KDM6A: variants seen among roughly 807,000 people sequenced by gnomAD.
The protein encoded by KDM6A is lysine-specific demethylase 6A.
In KDM6A, 11 loss-of-function variants were observed where a neutral mutation model predicts 117.6. That is an observed-to-expected ratio of 0.09 (90% CI 0.06 to 0.15). The LOEUF is 0.15. Among genes scored for constraint, KDM6A ranks in the 10% least tolerant of loss-of-function variants. KDM6A has a pLI of 1.00. For synonymous variants in KDM6A, 384 were observed against 396.1 expected, an observed-to-expected ratio of 0.97 and a Z score of 0.36; for missense variants, 799 against 1,077.3, an observed-to-expected ratio of 0.74 and a Z score of 3.62.
intron 2 of KDM6A, among the ~76,000 whole-genome samples, chrX:44,955,482 C>T (rs1246262195): frequency 9.0e-6 from 1 of 110,768 alleles, no homozygotes; most frequent in East Asian, 2.8e-4. Context: ...CAGGTATTAT[C>T]TAGTTTAGTA....
rs1307995942 is a variant in KDM6A at position 45,027,880 on chromosome X, G to T, written c.565-7051G>T. ...GCGATCTCGGCTCACTGCAACCTCT[G>T]CCTGCCAGGTTCAGGTGATTCTCCT... is the stretch of plus-strand genomic sequence containing the variant. On this transcript the variant is annotated intron_variant, in intron 6 of 29. Transcript: ENST00000611820. Among the ~76,000 whole-genome samples, 4 of 108,532 alleles carry T rather than the reference G, an allele frequency of 3.7e-5. No individual in the cohort carries two copies. The East Asian group carries it at 1.2e-3, about 31-fold the overall frequency. The allele number at this position is 108,532 out of a possible 115,157, so 94.2% of individuals were successfully genotyped here.
chrX:44,982,720 G>T (rs1189618887), intron 4 of KDM6A, among the ~76,000 whole-genome samples: 1 of 111,545 alleles, frequency 9.0e-6, no homozygotes, highest in East Asian at 2.8e-4. Context: ...CCCTGAATTT[G>T]TGCTGGCCGT....
chrX:44,888,281 G>A (rs912355303), intron 2 of KDM6A, among the ~76,000 whole-genome samples: 2 of 112,448 alleles, frequency 1.8e-5, no homozygotes, highest in African/African-American at 6.5e-5. Flanking sequence ...CTCCAGCCTA[G>A]GCGACAGAGC....
rs774321921 is a variant in KDM6A at position 45,111,874 on chromosome X, A to G, written c.*463A>G. ...TTTTTTTAATGTGAAAAGTTAGGTA[A>G]GACACTTTTTTACTGCTTTTATGTT... On this transcript the variant is annotated 3_prime_UTR_variant, in exon 30 of 30. Transcript: ENST00000611820. The G allele has an allele frequency of 5.8e-6, 1 of 172,669 alleles. No individual in the cohort carries two copies. Among genetic ancestry groups the G allele is most frequent in the Non-Finnish European group, 1.1e-5 (1 of 91,084 alleles). 14.2% of individuals were successfully genotyped at this position (172,669 alleles called of 1,213,427 possible).
intron 27 of KDM6A, among the ~76,000 whole-genome samples, chrX:45,091,613 A>G (rs2045899043): frequency 8.9e-6 from 1 of 111,934 alleles, no homozygotes; most frequent in Admixed American, 9.5e-5. Flanking sequence ...CAGATACTGT[A>G]TATGTTAATG....
chrX:44,997,730 A>T (rs939681714), intron 4 of KDM6A, among the ~76,000 whole-genome samples: 1 of 111,623 alleles, frequency 9.0e-6, no homozygotes, highest in African/African-American at 3.3e-5. Flanking sequence ...TGTATTAGAA[A>T]CTATAACTCA....
At chrX:45,049,028 T>TA (rs2043715149) in intron 8 of KDM6A, among the ~76,000 whole-genome samples, 1 of 111,446 alleles carries the variant, frequency 9.0e-6, no homozygotes, top group Admixed American at 9.5e-5. Context: ...TTCAGAACAT[T>TA]ACCTGTGGAA....
At chrX:45,010,166 G>A (rs1230608567) in intron 4 of KDM6A, among the ~76,000 whole-genome samples, 1 of 110,404 alleles carries the variant, frequency 9.1e-6, no homozygotes, top group African/African-American at 3.3e-5. Flanking sequence ...AACATTTGCT[G>A]TTTTTGAAAA....
At chrX:44,999,518 T>G (rs1311808852) in intron 4 of KDM6A, among the ~76,000 whole-genome samples, 6 of 110,138 alleles carry the variant, frequency 5.4e-5, no homozygotes, top group Non-Finnish European at 1.1e-4. Context: ...CAGGGTAGAG[T>G]AGGTGATTGA....
chrX:44,977,255 A>G (rs12014797), intron 4 of KDM6A, among the ~76,000 whole-genome samples: 1 of 108,712 alleles, frequency 9.2e-6, no homozygotes, highest in Non-Finnish European at 1.9e-5. Context: ...CTCTCTCTCT[A>G]TATATATAGT....
chrX:44,890,803 C>T (rs2033294066), intron 2 of KDM6A, among the ~76,000 whole-genome samples: 1 of 107,103 alleles, frequency 9.3e-6, no homozygotes, highest in South Asian at 4.1e-4. Context: ...TACAGGCGCC[C>T]GCCACTACGC....
At chrX:44,961,462 A>C (rs933165637) in intron 3 of KDM6A, 70 bp downstream of exon 3, 1 of 738,507 alleles carries the variant, frequency 1.4e-6, no homozygotes. Flanking sequence ...GTGCTTTATC[A>C]AGAGGATTTT....
At chrX:44,930,953 CT>C (rs1378534361) in intron 2 of KDM6A, among the ~76,000 whole-genome samples, 1 of 111,843 alleles carries the variant, frequency 8.9e-6, no homozygotes, top group African/African-American at 3.3e-5. Context: ...CATCCCTCCC[CT>C]CCTTCATGTT....
chrX:45,094,105 G>A (rs1285080678), intron 27 of KDM6A, among the ~76,000 whole-genome samples: 1 of 111,289 alleles, frequency 9.0e-6, no homozygotes, highest in Non-Finnish European at 1.9e-5. Context: ...AATTGTCATT[G>A]AGCCATTGCT....
chrX:45,012,889 T>A (rs374000867), intron 5 of KDM6A, among the ~76,000 whole-genome samples: 12 of 111,773 alleles, frequency 1.1e-4, no homozygotes, highest in African/African-American at 3.9e-4. Flanking sequence ...CTTAGGAAGG[T>A]ATAATTGATT....
chrX:44,875,240 T>C (rs967642138), intron 2 of KDM6A, among the ~76,000 whole-genome samples: 6 of 112,603 alleles, frequency 5.3e-5, no homozygotes, highest in Non-Finnish European at 1.1e-4. Flanking sequence ...TCTAACATTT[T>C]ATTCTTAAGT....
At chrX:45,090,071 A>G in intron 26 of KDM6A, 141 bp downstream of exon 26, 1 of 481,660 alleles carries the variant, frequency 2.1e-6, no homozygotes, top group South Asian at 4.3e-5. Context: ...TCGTAGTACA[A>G]CAAATTAAAT....
Position 45,063,627 on chromosome X carries a change from C to T in KDM6A, c.1889C>T (p.Pro630Leu), listed in dbSNP as rs1337402767. The change falls in exon 17 of 30, where the codon CCC (proline) becomes CTC (leucine). Residue 630 changes from proline to leucine, a missense_variant. Physicochemically the swap from Pro to Leu is moderately conservative, Grantham distance 98. Around this residue, in one of 8 missense-constraint regions of KDM6A, gnomAD observed 301 missense variants for 318.3 expected, o/e 0.95. Transcript: ENST00000611820. ...GGACCCTTTTCTGCAGGCCATGTTC[C>T]CTGTAGCACATCAAGAACGCTGGGA... ...ANGPFSAGHV[P>L]CSTSRTLGST... is the part of the protein sequence containing the mutation. 1.7e-6 allele frequency: 2 copies of T among 1,210,889 alleles called. No individual in the cohort carries two copies. Among genetic ancestry groups the T allele is most frequent in the Admixed American group, 4.3e-5 (2 of 45,980 alleles).
rs749619656 is a variant in KDM6A at position 44,989,417 on chromosome X, A to G, written c.384+14702A>G. On this transcript the variant is annotated intron_variant, in intron 4 of 29. Coordinates refer to ENST00000611820, the MANE Select transcript of KDM6A (RefSeq NM_001291415.2). ...GGGCTGCACCCACTGTCCTGCACCCACTTTCTGACACTCCCCAGTGAGATG... is the reference window on the plus strand; with the variant it reads ...GGGCTGCACCCACTGTCCTGCACCCGCTTTCTGACACTCCCCAGTGAGATG... 1.4e-3 allele frequency among the ~76,000 whole-genome samples: 152 copies of G among 107,365 alleles called. 1 individual carries two copies. Among genetic ancestry groups the G allele is most frequent in the African/African-American group, 4.9e-3 (143 of 29,323 alleles). The allele number at this position is 107,365 out of a possible 115,157, so 93.2% of individuals were successfully genotyped here.
Sources: gnomAD v4.1 joint callset for allele counts (sites outside exome capture counted in the v4.1 genomes callset) on GRCh38, gnomAD v4.1.1 for gene constraint, gnomAD v4.1.1 regional missense constraint, MANE v1.5 for transcripts, NCBI Gene and HGNC (gene_info 2026-07-23, HGNC 2026-07-21) for gene names.